Variants in UNC13C observed in about 807,000 individuals in gnomAD.
UNC13C encodes the protein unc-13 homolog C.
In UNC13C, 174 loss-of-function variants were observed where a neutral mutation model predicts 245.4. The ratio of observed to expected loss-of-function variants is 0.71; its 90% CI spans 0.63 to 0.80. The LOEUF is 0.80. Among genes scored for constraint, UNC13C ranks in the 30% least tolerant of loss-of-function variants. UNC13C has a pLI of 0.00. For missense variants in UNC13C, 2,829 were observed against 2,602.9 expected, an observed-to-expected ratio of 1.09 and a Z score of -1.89; for synonymous variants, 992 against 895.1, an observed-to-expected ratio of 1.11 and a Z score of -1.93.
intron 2 of UNC13C, among the ~76,000 whole-genome samples, chr15:54,108,335 C>A (rs943929796): frequency 6.6e-6 from 1 of 152,008 alleles, no homozygotes; most frequent in Non-Finnish European, 1.5e-5. Context: ...TACAGGCGCC[C>A]GCCACCACGC....
chr15:54,415,065 A>G lies in UNC13C; in HGVS notation c.4931A>G (p.Glu1644Gly), dbSNP rs543294239. 1 of 1,596,688 alleles carries G rather than the reference A, an allele frequency of 6.3e-7. No individual in the cohort carries two copies. The highest frequency in any genetic ancestry group is 8.6e-7 in the Non-Finnish European group (1 of 1,167,888). ...GCTCTGGATATGAAATATGCATTAG[A>G]AGGTAATTATAAATATTTATACTTA... ...LFALDMKYAL[E>G]EHENQRLCKS... The change falls in exon 19 of 33, where the codon GAA becomes GGA. Residue 1644 changes from glutamate (E) to glycine (G), a missense_variant and splice_region_variant. Glu to Gly is a moderately conservative substitution (Grantham distance 98). Coordinates refer to ENST00000260323, the MANE Select transcript of UNC13C (RefSeq NM_001080534.3).
At chr15:54,232,874 C>G (rs1321307541) in intron 4 of UNC13C, among the ~76,000 whole-genome samples, 1 of 152,044 alleles carries the variant, frequency 6.6e-6, no homozygotes, top group African/African-American at 2.4e-5. Flanking sequence ...AAGAATCCTT[C>G]TAGATACCCA....
At chr15:54,190,602 G>A (rs534115939) in intron 4 of UNC13C, among the ~76,000 whole-genome samples, 3 of 151,916 alleles carry the variant, frequency 2.0e-5, no homozygotes, top group Non-Finnish European at 2.9e-5. Context: ...TTTTCTAGAA[G>A]ATATATTGTA....
In UNC13C at chr15:54,013,532, G is replaced by T; in HGVS notation, c.629G>T (p.Arg210Ile). The T allele has an allele frequency of 6.2e-7, 1 of 1,613,886 alleles. No individual in the cohort carries two copies. Among genetic ancestry groups the T allele is most frequent in the Non-Finnish European group, 8.5e-7 (1 of 1,179,842 alleles). Residue 210 changes from arginine (R) to isoleucine (I), a missense_variant, in exon 2 of 33, where the codon AGA becomes ATA. Arg to Ile is a moderately conservative substitution (Grantham distance 97, BLOSUM62 -3). Coordinates refer to ENST00000260323, the MANE Select transcript of UNC13C (RefSeq NM_001080534.3). ...ACCATGAAAAAATCCTGGGGAATAA[G>T]AAGTAAGTCTTTGGACAGAACTGTC... is the stretch of plus-strand genomic sequence containing the variant. ...LSTMKKSWGI[R>I]SKSLDRTVRN...
At chr15:54,343,528 C>T (rs1214102605) in intron 17 of UNC13C, among the ~76,000 whole-genome samples, 1 of 152,116 alleles carries the variant, frequency 6.6e-6, no homozygotes, top group Non-Finnish European at 1.5e-5. Context: ...TCTCATGAGC[C>T]CTAAATTTTA....
chr15:54,422,917 A>T (rs1046094693), intron 19 of UNC13C, among the ~76,000 whole-genome samples: 2 of 151,164 alleles, frequency 1.3e-5, no homozygotes, highest in African/African-American at 2.4e-5. Flanking sequence ...TTTTGGTCAC[A>T]ATCCAAAGCA....
chr15:54,136,015 A>G (rs989029449), intron 2 of UNC13C, among the ~76,000 whole-genome samples: 1 of 152,150 alleles, frequency 6.6e-6, no homozygotes, highest in Non-Finnish European at 1.5e-5. Context: ...GTTTTCTTCA[A>G]TTATTTCATC....
At chr15:54,450,402 G>A (rs547315452) in intron 19 of UNC13C, among the ~76,000 whole-genome samples, 1 of 152,328 alleles carries the variant, frequency 6.6e-6, no homozygotes, top group African/African-American at 2.4e-5. Context: ...GCCTCCTTGA[G>A]CTGTGGTGGG....
chr15:53,846,585 T>C, the UNC13C span, among the ~76,000 whole-genome samples: 197 of 152,324 alleles, frequency 1.3e-3, no homozygotes, highest in African/African-American at 4.6e-3. Flanking sequence ...TAAATTTTTG[T>C]AGGCTACTCA....
At chr15:54,137,865 T>C (rs1320190567) in intron 2 of UNC13C, among the ~76,000 whole-genome samples, 1 of 152,134 alleles carries the variant, frequency 6.6e-6, no homozygotes, top group South Asian at 2.1e-4. Flanking sequence ...TCTGCTGACA[T>C]TGGGCTTAGT....
chr15:54,366,867 T>G (rs2039377407), intron 17 of UNC13C, among the ~76,000 whole-genome samples: 1 of 152,134 alleles, frequency 6.6e-6, no homozygotes. Context: ...CACTCAGTCC[T>G]CTGGTGGCTA....
At chr15:54,624,087 C>T (rs534095910) in intron 32 of UNC13C, 133 bp downstream of exon 32, 2 of 1,106,118 alleles carry the variant, frequency 1.8e-6, no homozygotes, top group Non-Finnish European at 2.6e-6. Flanking sequence ...TCCATTCATT[C>T]AATATCTGTT....
chr15:54,161,580 AGTT>A (rs749450746), intron 4 of UNC13C, among the ~76,000 whole-genome samples: 21 of 152,022 alleles, frequency 1.4e-4, no homozygotes, highest in Non-Finnish European at 2.4e-4. Flanking sequence ...ATAAGTTCAG[AGTT>A]GTTCTTGTTT....
At chr15:54,438,270 G>A (rs534168643) in intron 19 of UNC13C, among the ~76,000 whole-genome samples, 59 of 152,018 alleles carry the variant, frequency 3.9e-4, no homozygotes, top group African/African-American at 1.4e-3. Context: ...TCTGAAGCGT[G>A]TCTTCTAATG....
At chr15:54,004,388 C>T (rs1895044268) in intron 1 of UNC13C, among the ~76,000 whole-genome samples, 2 of 152,158 alleles carry the variant, frequency 1.3e-5, no homozygotes, top group African/African-American at 4.8e-5. Context: ...ATATGTACCA[C>T]ATTTATTTAT....
At chr15:53,956,908 A>ATGTGTGTG in the UNC13C span, among the ~76,000 whole-genome samples, 2 of 24,668 alleles carry the variant, frequency 8.1e-5, no homozygotes, top group South Asian at 1.3e-3. Flanking sequence ...GTGTGTGTGC[A>ATGTGTGTG]TGCACACATC....
At chr15:54,578,931 A>G (rs1898080584) in intron 30 of UNC13C, among the ~76,000 whole-genome samples, 1 of 152,198 alleles carries the variant, frequency 6.6e-6, no homozygotes, top group African/African-American at 2.4e-5. Context: ...CTCACCCAAG[A>G]GCAATGGATG....
intron 13 of UNC13C, chr15:54,320,815 G>T: frequency 6.3e-6 from 2 of 318,892 alleles, no homozygotes; most frequent in South Asian, 6.1e-5. Context: ...TGGCCTCCAT[G>T]ACCACAGGAA....
intron 8 of UNC13C, among the ~76,000 whole-genome samples, chr15:54,262,354 C>A (rs1486509880): frequency 6.6e-6 from 1 of 152,196 alleles, no homozygotes; most frequent in African/African-American, 2.4e-5. Context: ...TTAGGACATT[C>A]CTTGCCTGGC....
Sources: gnomAD v4.1 joint callset for allele counts (sites outside exome capture counted in the v4.1 genomes callset) on GRCh38, gnomAD v4.1.1 for gene constraint, MANE v1.5 for transcripts, NCBI Gene and HGNC (gene_info 2026-07-23, HGNC 2026-07-21) for gene names.